The following RIMS2 variants were observed in gnomAD, a reference collection of about 807,000 sequenced individuals.
RIMS2 encodes the protein regulating synaptic membrane exocytosis 2.
RIMS2 carries 59 observed loss-of-function variants against 174.4 expected under a neutral mutation model. The ratio of observed to expected loss-of-function variants is 0.34; its 90% CI spans 0.27 to 0.42. RIMS2 has a LOEUF of 0.42. Among genes scored for constraint, RIMS2 ranks in the 10% least tolerant of loss-of-function variants. The pLI is 1.00. For missense variants in RIMS2, 1,620 were observed against 1,666.3 expected (o/e 0.97, Z 0.48); for synonymous variants, 606 against 572.5 (o/e 1.06, Z -0.84).
At chr8:103,957,442 T>G (rs895896518) in intron 14 of RIMS2, among the ~76,000 whole-genome samples, 2 of 152,152 alleles carry the variant, frequency 1.3e-5, no homozygotes, top group African/African-American at 4.8e-5. Context: ...AAAGGATGAG[T>G]TCATGTCCTT....
intron 19 of RIMS2, among the ~76,000 whole-genome samples, chr8:104,116,596 G>T (rs1160622753): frequency 6.6e-6 from 1 of 152,092 alleles, no homozygotes; most frequent in Non-Finnish European, 1.5e-5. Context: ...ATTTACATTT[G>T]TATGAAGTGA....
At position 103,768,179 on chromosome 8, in the gene RIMS2, C is replaced by A. The variant is rs1288770119; in HGVS notation, c.698+1642C>A. 8 of 362,892 alleles carry A rather than the reference C, an allele frequency of 2.2e-5. No homozygotes were observed. The East Asian group carries it at 4.4e-4, about 20-fold the overall frequency. 22.5% of individuals were successfully genotyped at this position (362,892 alleles called of 1,614,324 possible). A position where few individuals can be genotyped will look rare whatever the true frequency, so the allele number is the denominator to read the frequency against. On this transcript the variant is annotated intron_variant, in intron 3 of 23. Transcript: ENST00000504942. ...AAGGTATATGAAAAAAATAGATAACCAGTGGAGATAGAATTTTTAAAAAAT... is the reference window on the plus strand; with the variant it reads ...AAGGTATATGAAAAAAATAGATAACAAGTGGAGATAGAATTTTTAAAAAAT...
At chr8:104,041,852 A>G (rs2096615015) in intron 19 of RIMS2, among the ~76,000 whole-genome samples, 1 of 151,664 alleles carries the variant, frequency 6.6e-6, no homozygotes, top group Admixed American at 6.6e-5. Context: ...GATAACATGC[A>G]CTGTTTATGT....
chr8:103,743,409 G>C (rs2097779218), intron 2 of RIMS2, among the ~76,000 whole-genome samples: 1 of 152,116 alleles, frequency 6.6e-6, no homozygotes, highest in African/African-American at 2.4e-5. Context: ...TGAGTTAACA[G>C]TGTCTGATTT....
At chr8:103,523,240 A>G (rs1272408367) in intron 1 of RIMS2, among the ~76,000 whole-genome samples, 2 of 152,068 alleles carry the variant, frequency 1.3e-5, no homozygotes, top group Non-Finnish European at 2.9e-5. Context: ...TTCTGTGTTA[A>G]TGCATTACTT....
At chr8:103,712,245 C>G (rs961124638) in intron 2 of RIMS2, among the ~76,000 whole-genome samples, 22 of 150,816 alleles carry the variant, frequency 1.5e-4, no homozygotes, top group Admixed American at 4.6e-4. Context: ...CCCCTGGGCT[C>G]GAACAGTCCT....
At chr8:103,754,447 G>T (rs534023486) in intron 2 of RIMS2, among the ~76,000 whole-genome samples, 2 of 152,076 alleles carry the variant, frequency 1.3e-5, no homozygotes, top group African/African-American at 4.8e-5. Flanking sequence ...TATTAAGTCC[G>T]CTTGGTGCAG....
At chr8:104,163,627 C>T (rs2098778327) in intron 19 of RIMS2, among the ~76,000 whole-genome samples, 2 of 152,040 alleles carry the variant, frequency 1.3e-5, no homozygotes. Context: ...TCTAATGTAA[C>T]CTAGGATATG....
chr8:104,233,086 G>A (rs1476750308), intron 19 of RIMS2, among the ~76,000 whole-genome samples: 1 of 152,064 alleles, frequency 6.6e-6, no homozygotes, highest in African/African-American at 2.4e-5. Flanking sequence ...ACAAGAACGG[G>A]GGGAAATCTA....
chr8:103,621,001 TA>T (rs1169441168), intron 1 of RIMS2, among the ~76,000 whole-genome samples: 1 of 152,140 alleles, frequency 6.6e-6, no homozygotes, highest in African/African-American at 2.4e-5. Context: ...TGAAACTAAA[TA>T]AATGAAATTT....
At chr8:103,787,117 T>C (rs2154438303) in intron 3 of RIMS2, among the ~76,000 whole-genome samples, 1 of 146,632 alleles carries the variant, frequency 6.8e-6, no homozygotes, top group South Asian at 2.3e-4. Context: ...TGTTTTCCAT[T>C]TGCTTGGTAG....
chr8:104,053,093 A>T (rs1374494334), intron 19 of RIMS2, among the ~76,000 whole-genome samples: 1 of 152,176 alleles, frequency 6.6e-6, no homozygotes, highest in Non-Finnish European at 1.5e-5. Context: ...TTTTTCTAGT[A>T]ACCTTTGAGA....
chr8:104,167,918 AG>A (rs2098807147), intron 19 of RIMS2, among the ~76,000 whole-genome samples: 1 of 152,144 alleles, frequency 6.6e-6, no homozygotes, highest in Admixed American at 6.6e-5. Context: ...TTTATTGAAT[AG>A]GGTGTTCTTT....
intron 3 of RIMS2, among the ~76,000 whole-genome samples, chr8:103,838,819 A>G (rs2098920778): frequency 6.6e-6 from 1 of 152,128 alleles, no homozygotes; most frequent in Admixed American, 6.5e-5. Flanking sequence ...TAATCCCAGC[A>G]CTTTGGGAGG....
chr8:103,921,699 T>C (rs751119374), exon 10 of RIMS2: 5 of 1,537,266 alleles, frequency 3.3e-6, no homozygotes, highest in East Asian at 4.5e-5. Flanking sequence ...TCTCAAAAAA[T>C]GGATCGTCCT....
intron 2 of RIMS2, among the ~76,000 whole-genome samples, chr8:103,725,400 G>A (rs372610597): frequency 4.9e-4 from 75 of 152,024 alleles, no homozygotes; most frequent in African/African-American, 1.3e-3. Context: ...TTTTATCCCC[G>A]TCTCCCAAAA....
At chr8:104,093,763 C>CTTTAAAATATATAT in intron 19 of RIMS2, 120 bp downstream of exon 24, 1 of 703,934 alleles carries the variant, frequency 1.4e-6, no homozygotes, top group Non-Finnish European at 2.2e-6. Context: ...GCCAGGGGAG[C>CTTTAAAATATATAT]TTAACTTCAG....
intron 19 of RIMS2, among the ~76,000 whole-genome samples, chr8:104,085,473 AG>A (rs1258743853): frequency 1.3e-5 from 2 of 152,178 alleles, no homozygotes; most frequent in South Asian, 4.1e-4. Context: ...CTTACATACA[AG>A]GTAGAAAATG....
Position 104,181,492 on chromosome 8 carries a change from A to C in RIMS2, c.3335-63424A>C, listed in dbSNP as rs538629088. ...CGTCAACCCTTTCTGTTGTAATTTCATATTATGTATCCCAAACTTAAACTG... is the reference window on the plus strand; with the variant it reads ...CGTCAACCCTTTCTGTTGTAATTTCCTATTATGTATCCCAAACTTAAACTG... On this transcript the variant is annotated intron_variant, in intron 19 of 23. Transcript: ENST00000504942. 9.2e-5 allele frequency among the ~76,000 whole-genome samples: 14 copies of C among 151,754 alleles called. No homozygotes were observed. The South Asian group carries it at 2.9e-3, about 31-fold the overall frequency.
Sources: allele counts gnomAD v4.1 joint callset (sites outside exome capture counted in the v4.1 genomes callset), GRCh38; gene constraint gnomAD v4.1.1; transcripts MANE v1.5; gene names NCBI Gene and HGNC (gene_info 2026-07-23, HGNC 2026-07-21).